The following SLC8A1 variants were observed in gnomAD, a reference collection of about 807,000 sequenced individuals.
SLC8A1 encodes the protein solute carrier family 8 member A1, also known as sodium/calcium exchanger 1.
A neutral mutation model predicts 68.3 loss-of-function variants in SLC8A1; 18 were observed. That is an observed-to-expected ratio of 0.26 (90% confidence interval 0.18 to 0.39). SLC8A1 has a LOEUF of 0.39. Ranked by LOEUF, SLC8A1 falls within the 10% of genes least tolerant of loss-of-function variation. SLC8A1 has a pLI of 1.00. For missense variants in SLC8A1, 985 were observed against 1,156.7 expected (o/e 0.85, Z 2.15); for synonymous variants, 475 against 415.5 (o/e 1.14, Z -1.74).
At chr2:40,296,563 C>T (rs1274894974) in intron 2 of SLC8A1, among the ~76,000 whole-genome samples, 1 of 151,990 alleles carries the variant, frequency 6.6e-6, no homozygotes, top group Non-Finnish European at 1.5e-5. Flanking sequence ...TTCCTAAATC[C>T]TACTTCTGAT....
exon 2 of SLC8A1, chr2:40,430,137 T>G: frequency 6.2e-7 from 1 of 1,613,802 alleles, no homozygotes; most frequent in Middle Eastern, 1.7e-4. Context: ...ATCCAGTACA[T>G]TCACCAGTTT....
intron 2 of SLC8A1, among the ~76,000 whole-genome samples, chr2:40,289,272 A>T (rs545254205): frequency 6.6e-6 from 1 of 152,110 alleles, no homozygotes; most frequent in African/African-American, 2.4e-5. Context: ...AAATATTGTT[A>T]AACTATTTGT....
intron 2 of SLC8A1, among the ~76,000 whole-genome samples, chr2:40,312,297 G>A (rs1170440938): frequency 6.6e-6 from 1 of 152,026 alleles, no homozygotes; most frequent in Non-Finnish European, 1.5e-5. Context: ...AATAGATCAT[G>A]ATTATTTTCC....
chr2:40,430,424 T>C (rs761686666), intron 1 of SLC8A1, 120 bp from the exon 2 acceptor site: 40 of 1,022,358 alleles, frequency 3.9e-5, no homozygotes, highest in Non-Finnish European at 5.2e-5. Flanking sequence ...TATTTGACCA[T>C]CACAAAACCG....
At chr2:40,198,983 A>G (rs1272622208) in intron 2 of SLC8A1, among the ~76,000 whole-genome samples, 1 of 151,808 alleles carries the variant, frequency 6.6e-6, no homozygotes, top group Non-Finnish European at 1.5e-5. Context: ...TAGGGACCAT[A>G]ACATGAATGT....
chr2:40,225,368 G>GTA (rs1457428143), intron 2 of SLC8A1, among the ~76,000 whole-genome samples: 1 of 152,110 alleles, frequency 6.6e-6, no homozygotes, highest in Non-Finnish European at 1.5e-5. Context: ...ATTTAAAATA[G>GTA]TATTTGGCAC....
intron 2 of SLC8A1, among the ~76,000 whole-genome samples, chr2:40,384,661 T>C (rs77383828): frequency 0.037 from 5,652 of 152,236 alleles, 113 homozygotes; most frequent in African/African-American, 0.05. Context: ...TGGAATATTT[T>C]ATATTTTTTA....
chr2:40,500,898 T>G (rs759558774), intron 1 of SLC8A1, among the ~76,000 whole-genome samples: 8 of 149,112 alleles, frequency 5.4e-5, no homozygotes, highest in Non-Finnish European at 1.0e-4. Context: ...ACTAGATCAT[T>G]TATTTCTCAG....
At chr2:40,485,847 A>C (rs1704934760) in intron 1 of SLC8A1, among the ~76,000 whole-genome samples, 1 of 152,244 alleles carries the variant, frequency 6.6e-6, no homozygotes, top group Non-Finnish European at 1.5e-5. Flanking sequence ...TACTGTGTAG[A>C]AAATTCCATA....
intron 2 of SLC8A1, among the ~76,000 whole-genome samples, chr2:40,294,103 G>A (rs1428265843): frequency 1.3e-5 from 2 of 152,102 alleles, no homozygotes; most frequent in African/African-American, 4.8e-5. Flanking sequence ...ATATCTTTAT[G>A]CTCAAAATGG....
At chr2:40,320,261 A>G (rs889517891) in intron 2 of SLC8A1, among the ~76,000 whole-genome samples, 7 of 151,958 alleles carry the variant, frequency 4.6e-5, no homozygotes, top group African/African-American at 1.7e-4. Context: ...TTTTTTTTCA[A>G]TGCAAAAATA....
In SLC8A1 at chr2:40,172,570, G is replaced by C. The variant is rs535910758; in HGVS notation, c.1930+2255C>G. ...ATAGAATTTGATGTAAAGAAGTTCT[G>C]AGAAAAGAAAACTAGGATCCCATTA... is the stretch of plus-strand genomic sequence containing the variant. On this transcript the variant is annotated intron_variant, in intron 4 of 7. Coordinates refer to ENST00000406785, the Ensembl canonical transcript of SLC8A1. 2.0e-5 allele frequency among the ~76,000 whole-genome samples: 3 copies of C among 152,192 alleles called. No homozygotes were observed. The South Asian group carries it at 6.2e-4, about 32-fold the overall frequency.
intron 1 of SLC8A1, among the ~76,000 whole-genome samples, chr2:40,485,165 C>T (rs1704880934): frequency 6.6e-6 from 1 of 151,990 alleles, no homozygotes; most frequent in Non-Finnish European, 1.5e-5. Flanking sequence ...ACAACCATCC[C>T]CTCCACCTTC....
intron 2 of SLC8A1, among the ~76,000 whole-genome samples, chr2:40,392,148 TAAAA>T (rs921720161): frequency 3.5e-5 from 2 of 57,154 alleles, no homozygotes; most frequent in African/African-American, 1.4e-4. Flanking sequence ...GAATGAAAAA[TAAAA>T]GAAAGAAAAA....
chr2:40,152,145 T>C (rs1395848225), intron 6 of SLC8A1, among the ~76,000 whole-genome samples: 1 of 152,184 alleles, frequency 6.6e-6, no homozygotes, highest in Non-Finnish European at 1.5e-5. Context: ...GTCCTAAATT[T>C]CTTTCTTTTT....
At chr2:40,420,415 T>C (rs867578461) in intron 2 of SLC8A1, among the ~76,000 whole-genome samples, 7 of 150,372 alleles carry the variant, frequency 4.7e-5, no homozygotes, top group Middle Eastern at 3.4e-3. Flanking sequence ...AAAAGCTGCA[T>C]TCATTATTCA....
chr2:40,098,854 AAG>A (rs1374662096), exon 8 of SLC8A1: 2 of 152,032 alleles, frequency 1.3e-5, no homozygotes, highest in Non-Finnish European at 2.9e-5. Context: ...TTCATAATAA[AAG>A]AAGATAATCT....
intron 2 of SLC8A1, among the ~76,000 whole-genome samples, chr2:40,407,200 G>C (rs1041398736): frequency 6.6e-6 from 1 of 151,968 alleles, no homozygotes; most frequent in Non-Finnish European, 1.5e-5. Flanking sequence ...TGAGTATCTG[G>C]GATTACAGGT....
chr2:40,327,597 T>C (rs6716469), intron 2 of SLC8A1, among the ~76,000 whole-genome samples: 52,920 of 151,908 alleles, frequency 0.35, 9,800 homozygotes, highest in East Asian at 0.47. Context: ...AAAAACATGT[T>C]CTTTGCAGCA....
Sources: allele counts gnomAD v4.1 joint callset (sites outside exome capture counted in the v4.1 genomes callset), GRCh38; gene constraint gnomAD v4.1.1; transcripts MANE v1.5; gene names NCBI Gene and HGNC (gene_info 2026-07-23, HGNC 2026-07-21).